The following HLCS variants were observed in gnomAD, a reference collection of about 807,000 sequenced individuals.
HLCS encodes holocarboxylase synthetase, also known as biotin--protein ligase.
HLCS carries 53 observed loss-of-function variants against 75.0 expected under a neutral mutation model. The observed-to-expected ratio is 0.71, with a 90% CI of 0.57 to 0.89. The LOEUF (loss-of-function observed/expected upper bound fraction) is 0.89. Among genes scored for constraint, HLCS ranks in the 40% least tolerant of loss-of-function variants. The probability of loss-of-function intolerance (pLI) is 0.00; values close to 1 mark genes in which losing one functional copy is unlikely to be tolerated. For synonymous variants in HLCS, 431 were observed against 428.6 expected, an observed-to-expected ratio of 1.01 and a Z score of -0.07; for missense variants, 966 against 1,074.0, an observed-to-expected ratio of 0.90 and a Z score of 1.41.
At chr21:36,796,098 G>A (rs35524379) in intron 6 of HLCS, among the ~76,000 whole-genome samples, 21,196 of 152,174 alleles carry the variant, frequency 0.14, 1,782 homozygotes, top group Non-Finnish European at 0.18. Flanking sequence ...AAAGTTGCCT[G>A]ACTCGCTTCA....
intron 6 of HLCS, among the ~76,000 whole-genome samples, chr21:36,799,242 A>G (rs1279475426): frequency 6.6e-6 from 1 of 152,182 alleles, no homozygotes; most frequent in African/African-American, 2.4e-5. Flanking sequence ...CAGATATTCA[A>G]TGGTTCAAGT....
chr21:36,887,743 C>T (rs1413032841), intron 6 of HLCS, among the ~76,000 whole-genome samples: 1 of 152,178 alleles, frequency 6.6e-6, no homozygotes, highest in Non-Finnish European at 1.5e-5. Flanking sequence ...TAAAAAAATT[C>T]GTGCTAATTA....
intron 5 of HLCS, among the ~76,000 whole-genome samples, chr21:36,905,951 G>A (rs1437446680): frequency 6.6e-6 from 1 of 150,582 alleles, no homozygotes; most frequent in Non-Finnish European, 1.5e-5. Flanking sequence ...TTGGGAGGCT[G>A]AGACACGAGA....
chr21:36,816,669 T>C (rs2061673717), intron 6 of HLCS, among the ~76,000 whole-genome samples: 2 of 152,180 alleles, frequency 1.3e-5, no homozygotes, highest in South Asian at 4.1e-4. Flanking sequence ...CACACAGTTG[T>C]ATGGGTAAGC....
At chr21:36,787,910 C>A (rs182944756) in intron 6 of HLCS, among the ~76,000 whole-genome samples, 1 of 152,288 alleles carries the variant, frequency 6.6e-6, no homozygotes, top group South Asian at 2.1e-4. Context: ...AGACCCACCC[C>A]CTACCCACCA....
In HLCS at chr21:36,793,371, C is replaced by T. The variant is rs562542043; in HGVS notation, c.1893-26086G>A. ...AGTGCAGTGGCGCAATCTTGGCTCACTTCTACCTCTGCCTCCTGGGCCCCA... is the reference window on the plus strand; with the variant it reads ...AGTGCAGTGGCGCAATCTTGGCTCATTTCTACCTCTGCCTCCTGGGCCCCA... On this transcript the variant is annotated intron_variant, in intron 6 of 10. Coordinates refer to ENST00000674895, the MANE Select transcript of HLCS (RefSeq NM_001352514.2). Among the ~76,000 whole-genome samples the T allele has an allele frequency of 2.7e-5, 4 of 149,918 alleles. No individual in the cohort carries two copies. In the South Asian group the frequency reaches 8.5e-4, roughly 32 times the overall value.
chr21:36,823,485 T>G (rs2061907476), intron 6 of HLCS, among the ~76,000 whole-genome samples: 1 of 152,136 alleles, frequency 6.6e-6, no homozygotes, highest in South Asian at 2.1e-4. Context: ...CTTGTTAACC[T>G]CCTTCAAGGA....
intron 8 of HLCS, among the ~76,000 whole-genome samples, chr21:36,762,882 G>C (rs2089901946): frequency 6.6e-6 from 1 of 152,218 alleles, no homozygotes; most frequent in Non-Finnish European, 1.5e-5. Context: ...AAGGGAACTA[G>C]TGGGGCTCCA....
chr21:36,962,924 C>A (rs367874841), intron 1 of HLCS, among the ~76,000 whole-genome samples: 1 of 152,210 alleles, frequency 6.6e-6, no homozygotes, highest in East Asian at 1.9e-4. Context: ...GGGCACCAGG[C>A]AGTTTTTCTT....
intron 1 of HLCS, among the ~76,000 whole-genome samples, chr21:36,978,976 G>GA (rs11326506): frequency 1.3e-4 from 19 of 151,276 alleles, no homozygotes; most frequent in African/African-American, 1.7e-4. Flanking sequence ...CTGCTTAAAA[G>GA]AAAAAAAAAT....
At chr21:36,814,760 T>C (rs1019185376) in intron 6 of HLCS, among the ~76,000 whole-genome samples, 5 of 152,200 alleles carry the variant, frequency 3.3e-5, no homozygotes, top group East Asian at 1.9e-4. Context: ...TGGGTTCTGA[T>C]TGGATAGGGT....
chr21:36,921,880 C>G (rs2066184706), intron 5 of HLCS, among the ~76,000 whole-genome samples: 1 of 152,194 alleles, frequency 6.6e-6, no homozygotes, highest in South Asian at 2.1e-4. Context: ...ACCCGCTACT[C>G]TAAGTCTTCT....
At chr21:36,850,405 CACTGGGT>C (rs1382453649) in intron 6 of HLCS, among the ~76,000 whole-genome samples, 2 of 152,154 alleles carry the variant, frequency 1.3e-5, no homozygotes, top group African/African-American at 2.4e-5. Context: ...GGAAGGTGAA[CACTGGGT>C]ACTAGGTAAC....
intron 8 of HLCS, 60 bp from the exon 9 acceptor site, chr21:36,759,901 C>T (rs1601115354): frequency 3.8e-6 from 4 of 1,054,616 alleles, no homozygotes; most frequent in East Asian, 4.7e-5. Context: ...CCAGGCAAGT[C>T]ACTGAGCTAA....
chr21:36,977,562 C>T (rs2068973703), intron 1 of HLCS, among the ~76,000 whole-genome samples: 1 of 152,206 alleles, frequency 6.6e-6, no homozygotes, highest in Non-Finnish European at 1.5e-5. Flanking sequence ...GAAATTAAAA[C>T]TTTTACAACC....
chr21:36,891,389 C>T (rs1327858825), intron 6 of HLCS, among the ~76,000 whole-genome samples: 1 of 152,220 alleles, frequency 6.6e-6, no homozygotes, highest in African/African-American at 2.4e-5. Context: ...ATATCTGTTG[C>T]ACACAGTGAA....
chr21:36,922,404 A>C (rs1368797015), intron 5 of HLCS, among the ~76,000 whole-genome samples: 1 of 152,170 alleles, frequency 6.6e-6, no homozygotes, highest in Non-Finnish European at 1.5e-5. Flanking sequence ...AAGACCCACG[A>C]CACCAGCAGA....
chr21:36,822,609 A>C (rs2061880693), intron 6 of HLCS, among the ~76,000 whole-genome samples: 1 of 152,208 alleles, frequency 6.6e-6, no homozygotes, highest in East Asian at 1.9e-4. Flanking sequence ...AGCACATGTG[A>C]TGGGCACCAG....
chr21:36,958,306 A>G (rs1329351374), intron 2 of HLCS, among the ~76,000 whole-genome samples: 1 of 152,026 alleles, frequency 6.6e-6, no homozygotes, highest in Non-Finnish European at 1.5e-5. Flanking sequence ...AAACCGTCGT[A>G]TCAACAGCTG....
Sources: allele counts gnomAD v4.1 joint callset (sites outside exome capture counted in the v4.1 genomes callset), GRCh38; gene constraint gnomAD v4.1.1; transcripts MANE v1.5; gene names NCBI Gene and HGNC (gene_info 2026-07-23, HGNC 2026-07-21).